Variants in DACH1 observed in about 807,000 individuals in gnomAD.
DACH1 encodes the protein dachshund homolog 1.
Under a neutral mutation model 54.2 loss-of-function variants are expected in DACH1, and 12 were observed. The observed-to-expected ratio is 0.22, with a 90% CI of 0.14 to 0.36. DACH1 has a LOEUF of 0.36. Ranked by LOEUF, DACH1 falls within the 10% of genes least tolerant of loss-of-function variation. The pLI is 1.00. For missense variants in DACH1, 805 were observed against 929.8 expected (o/e 0.87, Z 1.75); for synonymous variants, 386 against 366.2 (o/e 1.05, Z -0.62).
chr13:71,532,643 C>T (rs1227748001), intron 6 of DACH1, among the ~76,000 whole-genome samples: 2 of 151,932 alleles, frequency 1.3e-5, no homozygotes, highest in Non-Finnish European at 2.9e-5. Context: ...GATCCTGGTA[C>T]CTAGTAGGCT....
At chr13:71,614,308 A>C (rs1234311429) in intron 3 of DACH1, among the ~76,000 whole-genome samples, 1 of 152,192 alleles carries the variant, frequency 6.6e-6, no homozygotes, top group African/African-American at 2.4e-5. Flanking sequence ...CTGCTTTCAT[A>C]CACATTAATC....
At chr13:71,695,605 A>C (rs1173276344) in intron 1 of DACH1, among the ~76,000 whole-genome samples, 2 of 152,202 alleles carry the variant, frequency 1.3e-5, no homozygotes. Context: ...AGGCAGAAAA[A>C]TGTGGAGTTC....
chr13:71,512,973 G>A (rs144847269), intron 6 of DACH1, among the ~76,000 whole-genome samples: 85 of 152,000 alleles, frequency 5.6e-4, no homozygotes, highest in Admixed American at 1.1e-3. Flanking sequence ...ATAAGATAGT[G>A]ATTGGTGAAA....
intron 10 of DACH1, among the ~76,000 whole-genome samples, chr13:71,452,631 T>C (rs779913294): frequency 4.6e-5 from 7 of 152,202 alleles, no homozygotes; most frequent in Non-Finnish European, 7.3e-5. Context: ...TTTGAGAAGT[T>C]TATTCAAGTA....
chr13:71,734,192 C>T lies in DACH1; in HGVS notation c.849-52282G>A, dbSNP rs1386986899. On this transcript the variant is annotated intron_variant, in intron 1 of 10. Coordinates refer to ENST00000613252, the MANE Select transcript of DACH1 (RefSeq NM_080759.6). ...CCCATATATATGTATATCCCATATA[C>T]GTATACCCATATATATGTATATCCC... is the stretch of plus-strand genomic sequence containing the variant. Among the ~76,000 whole-genome samples the T allele has an allele frequency of 1.5e-4, 4 of 27,560 alleles. 1 individual carries two copies. The highest frequency in any genetic ancestry group is 3.0e-4 in the African/African-American group (2 of 6,614). 18.1% of individuals were successfully genotyped at this position (27,560 alleles called of 152,430 possible).
chr13:71,863,966 A>G (rs1442397218), intron 1 of DACH1, among the ~76,000 whole-genome samples: 1 of 151,960 alleles, frequency 6.6e-6, no homozygotes, highest in East Asian at 1.9e-4. Flanking sequence ...AACTAGCTTC[A>G]AATTTCACCT....
intron 1 of DACH1, among the ~76,000 whole-genome samples, chr13:71,708,136 A>T (rs1882535941): frequency 1.3e-5 from 2 of 152,136 alleles, no homozygotes; most frequent in Admixed American, 1.3e-4. Context: ...AAAAAAGTAA[A>T]AACAAAATAA....
At chr13:71,471,022 TC>T (rs1318937176) in intron 10 of DACH1, among the ~76,000 whole-genome samples, 1 of 152,048 alleles carries the variant, frequency 6.6e-6, no homozygotes, top group African/African-American at 2.4e-5. Flanking sequence ...TGGGAAGTGT[TC>T]CTTGAGGTAA....
intron 10 of DACH1, among the ~76,000 whole-genome samples, chr13:71,443,065 AT>A (rs1165720795): frequency 7.4e-5 from 11 of 148,316 alleles, no homozygotes; most frequent in African/African-American, 2.4e-4. Flanking sequence ...AATTATATAT[AT>A]TATTAAATGT....
intron 4 of DACH1, among the ~76,000 whole-genome samples, chr13:71,563,399 G>C (rs1884712649): frequency 6.6e-6 from 1 of 151,854 alleles, no homozygotes; most frequent in African/African-American, 2.4e-5. Flanking sequence ...AGTGCTAATG[G>C]AAAGCATGAG....
intron 3 of DACH1, among the ~76,000 whole-genome samples, chr13:71,608,059 G>GTATA (rs143952432): frequency 6.9e-4 from 102 of 147,384 alleles, no homozygotes; most frequent in African/African-American, 2.2e-3. Flanking sequence ...ATTACAATGT[G>GTATA]TATATATATA....
At chr13:71,529,183 G>GTTTTTTTTTTGTTTTTTTTT (rs1299574030) in intron 6 of DACH1, among the ~76,000 whole-genome samples, 1 of 80,980 alleles carries the variant, frequency 1.2e-5, no homozygotes, top group African/African-American at 4.4e-5. Context: ...TGTGATTTGG[G>GTTTTTTTTTTGTTTTTTTTT]TTTTTTTTTT....
rs533979452 is a variant in DACH1, at chr13:71,744,678, C to T, written c.849-62768G>A. ...ACAACTATCCTGGAAGAATATTACA[C>T]ATGGGTGCCCACTTTGGTTGGGATT... On this transcript the variant is annotated intron_variant, in intron 1 of 10. Transcript: ENST00000613252. 1.7e-3 allele frequency among the ~76,000 whole-genome samples: 252 copies of T among 152,314 alleles called. 2 individuals carry two copies. Among genetic ancestry groups the T allele is most frequent in the African/African-American group, 5.7e-3 (238 of 41,582 alleles).
intron 1 of DACH1, among the ~76,000 whole-genome samples, chr13:71,800,785 G>A (rs938451634): frequency 2.0e-5 from 3 of 151,682 alleles, no homozygotes; most frequent in Admixed American, 1.3e-4. Flanking sequence ...AGGATTCAGC[G>A]GCTAATTTGA....
chr13:71,471,039 C>T (rs1484902942), intron 10 of DACH1, among the ~76,000 whole-genome samples: 1 of 152,032 alleles, frequency 6.6e-6, no homozygotes, highest in Non-Finnish European at 1.5e-5. Context: ...GGTAATATTT[C>T]CAAGCTGGGA....
intron 1 of DACH1, among the ~76,000 whole-genome samples, chr13:71,791,087 T>C (rs1886809922): frequency 6.6e-6 from 1 of 152,192 alleles, no homozygotes; most frequent in Non-Finnish European, 1.5e-5. Flanking sequence ...CTTCCCAAGA[T>C]AGCATTTCTG....
intron 1 of DACH1, among the ~76,000 whole-genome samples, chr13:71,807,452 TA>T (rs1294338382): frequency 6.8e-6 from 1 of 146,920 alleles, no homozygotes; most frequent in East Asian, 2.0e-4. Context: ...CCTCAATATG[TA>T]AAAATAGCAG....
chr13:71,779,189 G>GTATA (rs1229826228), intron 1 of DACH1, among the ~76,000 whole-genome samples: 1 of 114,514 alleles, frequency 8.7e-6, no homozygotes, highest in South Asian at 2.6e-4. Context: ...ACATATATAC[G>GTATA]TATATACGTA....
chr13:71,841,625 T>C (rs554188895), intron 1 of DACH1, among the ~76,000 whole-genome samples: 7 of 152,250 alleles, frequency 4.6e-5, no homozygotes, highest in African/African-American at 1.7e-4. Context: ...ATGGTGGTTG[T>C]CCCACTCAAA....
Sources: allele counts gnomAD v4.1 joint callset (sites outside exome capture counted in the v4.1 genomes callset), GRCh38; gene constraint gnomAD v4.1.1; transcripts MANE v1.5; gene names NCBI Gene and HGNC (gene_info 2026-07-23, HGNC 2026-07-21).